Variants in SIRPB1 observed in about 807,000 individuals in gnomAD.
SIRPB1 encodes the protein signal-regulatory protein beta-1.
SIRPB1 carries 28 observed loss-of-function variants against 34.1 expected under a neutral mutation model. The observed-to-expected ratio is 0.82, with a 90% CI of 0.61 to 1.12. SIRPB1 has a LOEUF of 1.12. SIRPB1 is among the 50% of genes most tolerant of loss of function. SIRPB1 has a pLI of 0.00. For synonymous variants in SIRPB1, 211 were observed against 203.8 expected, an observed-to-expected ratio of 1.04 and a Z score of -0.30; for missense variants, 499 against 507.0, an observed-to-expected ratio of 0.98 and a Z score of 0.15.
rs541639858 is a variant in SIRPB1, at chr20:1,571,973, G to T, written c.498C>A (p.Ser166Arg). The change falls in exon 3 of 6, where the codon AGC (serine) becomes AGA (arginine). Residue 166 changes from serine to arginine, a missense_variant. By Grantham distance (110) the Ser-to-Arg change is moderately radical (BLOSUM62 -1). Transcript: ENST00000381605. ...AVRATPEHTV[S>R]FTCESHGFSP... ...AGAAGCCATGGGACTCGCAGGTGAA[G>T]CTCACTGTGTGCTCAGGTGTGGCCC... 3.1e-6 allele frequency: 5 copies of T among 1,614,162 alleles called. No homozygotes were observed. In the South Asian group the frequency reaches 4.4e-5, roughly 14 times the overall value.
At chr20:1,614,287 A>G (rs1352196282) in intron 1 of SIRPB1, among the ~76,000 whole-genome samples, 1 of 152,218 alleles carries the variant, frequency 6.6e-6, no homozygotes, top group East Asian at 1.9e-4. Flanking sequence ...GCTACATGGC[A>G]ACTCAAAGTT....
Position 1,571,110 on chromosome 20 carries a change from T to C in SIRPB1, c.779A>G (p.Gln260Arg). 6.2e-7 allele frequency: 1 copy of C among 1,613,946 alleles called. No individual in the cohort carries two copies. The highest frequency in any genetic ancestry group is 2.2e-5 in the East Asian group (1 of 44,888). ...RVPPTLEVTQQPMRAENQANV... is the reference protein window; with the variant it reads ...RVPPTLEVTQRPMRAENQANV... ...TGCCTGGTTCTCTGCCCTCATGGGC[T>C]GTTGAGTAACCTCCAAGGTGGGTGG... Residue 260 changes from glutamine (Q) to arginine (R), a missense_variant, in exon 4 of 6, where the codon CAG (glutamine) becomes CGG (arginine). By Grantham distance (43) the Gln-to-Arg change is conservative. Coordinates refer to ENST00000381605, the MANE Select transcript of SIRPB1 (RefSeq NM_006065.5).
chr20:1,570,940 C>T lies in SIRPB1; in HGVS notation c.949G>A (p.Val317Met). Residue 317 changes from valine to methionine, a missense_variant, in exon 4 of 6, where the codon GTG becomes ATG. Coordinates refer to ENST00000381605, the MANE Select transcript of SIRPB1 (RefSeq NM_006065.5). Reference sequence around the variant, plus strand: ...TCGTCCCTGTGGGCACAGGTGTTCACCAGGAGCCAGCTCATCCAGTTGTAG... The same window carrying T: ...TCGTCCCTGTGGGCACAGGTGTTCATCAGGAGCCAGCTCATCCAGTTGTAG... ...GTYNWMSWLL[V>M]NTCAHRDDVV... 1 of 1,614,160 alleles carries T rather than the reference C, an allele frequency of 6.2e-7. No individual in the cohort carries two copies. Among genetic ancestry groups the T allele is most frequent in the Non-Finnish European group, 8.5e-7 (1 of 1,180,022 alleles).
At chr20:1,617,159 T>C (rs1349539759) in intron 1 of SIRPB1, among the ~76,000 whole-genome samples, 1 of 152,170 alleles carries the variant, frequency 6.6e-6, no homozygotes, top group Non-Finnish European at 1.5e-5. Context: ...AAAATAGAAC[T>C]ATCATATGAT....
chr20:1,570,703 T>C, intron 4 of SIRPB1, 102 bp downstream of exon 4: 1 of 1,003,098 alleles, frequency 1.0e-6, no homozygotes, highest in South Asian at 1.6e-5. Flanking sequence ...GTTAAAATTC[T>C]ACTTTATATT....
Position 1,595,105 on chromosome 20 carries a change from G to T in SIRPB1, c.77-16411C>A, listed in dbSNP as rs1453084674. The stretch of plus-strand genomic sequence containing the variant: ...GGTCATGGTGCAGCCATGGCCTCTG[G>T]GGAGAATCACTATGACTAGGGCAAG... On this transcript the variant is annotated intron_variant, in intron 1 of 5. Coordinates refer to ENST00000381605, the MANE Select transcript of SIRPB1 (RefSeq NM_006065.5). 6.3e-5 allele frequency among the ~76,000 whole-genome samples: 3 copies of T among 47,826 alleles called. 1 individual carries two copies. Among genetic ancestry groups the T allele is most frequent in the Non-Finnish European group, 1.2e-4 (3 of 25,012 alleles). 31.4% of individuals were successfully genotyped at this position (47,826 alleles called of 152,430 possible). A position where few individuals can be genotyped will look rare whatever the true frequency, so the allele number is the denominator to read the frequency against.
At chr20:1,569,581 A>C (rs1445500668) in intron 4 of SIRPB1, among the ~76,000 whole-genome samples, 4 of 152,234 alleles carry the variant, frequency 2.6e-5, no homozygotes, top group African/African-American at 9.6e-5. Context: ...GCAGGCAGGG[A>C]CATGAACAAA....
At chr20:1,576,119 C>G (rs2091305390) in intron 2 of SIRPB1, among the ~76,000 whole-genome samples, 1 of 145,564 alleles carries the variant, frequency 6.9e-6, no homozygotes, top group African/African-American at 2.5e-5. Flanking sequence ...GAGTACTTCA[C>G]TAGGAGTGAG....
intron 1 of SIRPB1, among the ~76,000 whole-genome samples, chr20:1,609,231 G>C (rs76337962): frequency 0.025 from 1,765 of 71,970 alleles, 699 homozygotes; most frequent in Non-Finnish European, 0.036. Flanking sequence ...GGGCATTTCA[G>C]TGTCTTTGCC....
At chr20:1,616,403 C>T (rs560027018) in intron 1 of SIRPB1, among the ~76,000 whole-genome samples, 36 of 152,270 alleles carry the variant, frequency 2.4e-4, no homozygotes, top group South Asian at 1.7e-3. Context: ...CAGATATAAA[C>T]GCACACATTT....
At position 1,582,223 on chromosome 20, in the gene SIRPB1, C is replaced by T. The variant is rs904653962; in HGVS notation, c.77-3529G>A. ...ATGATGGCTATATATTTCCTCAGGGCCTTGATGCAAAAATAATGCTCTTTA... is the reference window on the plus strand; with the variant it reads ...ATGATGGCTATATATTTCCTCAGGGTCTTGATGCAAAAATAATGCTCTTTA... On this transcript the variant is annotated intron_variant, in intron 1 of 5. Coordinates refer to ENST00000381605, the MANE Select transcript of SIRPB1 (RefSeq NM_006065.5). Among the ~76,000 whole-genome samples, 3 of 48,796 alleles carry T rather than the reference C, an allele frequency of 6.1e-5. 1 individual carries two copies. The highest frequency in any genetic ancestry group is 1.2e-4 in the Non-Finnish European group (3 of 25,372). 32.0% of individuals were successfully genotyped at this position (48,796 alleles called of 152,430 possible).
At position 1,572,123 on chromosome 20, in the gene SIRPB1, A is replaced by G. The variant is rs145382629; in HGVS notation, c.434-86T>C. 36 of 1,590,086 alleles carry G rather than the reference A, an allele frequency of 2.3e-5. No homozygotes were observed. In the East Asian group the frequency reaches 7.2e-4, roughly 32 times the overall value. On this transcript the variant is annotated intron_variant, in intron 2 of 5. Transcript: ENST00000381605. ...CGTTTGACATGTTAAGAACCTTCTGAGACGTTAGTTTTTAATCTTTCTAAT... is the reference window on the plus strand; with the variant it reads ...CGTTTGACATGTTAAGAACCTTCTGGGACGTTAGTTTTTAATCTTTCTAAT...
chr20:1,583,275 G>T lies in SIRPB1; in HGVS notation c.77-4581C>A, dbSNP rs1165461586. On this transcript the variant is annotated intron_variant, in intron 1 of 5. Coordinates refer to ENST00000381605, the MANE Select transcript of SIRPB1 (RefSeq NM_006065.5). ...AACCTGTGATCTCTAGAGTCAAAGTGCCTGAGTTCAAATCGTAGCTCTACC... is the reference window on the plus strand; with the variant it reads ...AACCTGTGATCTCTAGAGTCAAAGTTCCTGAGTTCAAATCGTAGCTCTACC... Among the ~76,000 whole-genome samples the T allele has an allele frequency of 8.2e-5, 4 of 49,018 alleles. 2 individuals are homozygous for T. The highest frequency in any genetic ancestry group is 2.7e-4 in the Admixed American group (2 of 7,330). 32.2% of individuals were successfully genotyped at this position (49,018 alleles called of 152,430 possible).
chr20:1,576,948 A>G (rs1287944570), intron 2 of SIRPB1, among the ~76,000 whole-genome samples: 2 of 148,592 alleles, frequency 1.3e-5, no homozygotes, highest in Admixed American at 6.7e-5. Context: ...TAGTAGCTCA[A>G]TGTTGGGAAT....
rs551751152 is a variant in SIRPB1, at chr20:1,561,666, G to A, written c.*3834C>T. 3.9e-5 allele frequency among the ~76,000 whole-genome samples: 6 copies of A among 152,102 alleles called. No individual in the cohort carries two copies. Among genetic ancestry groups the A allele is most frequent in the Non-Finnish European group, 7.4e-5 (5 of 68,014 alleles). ...TGAGTTTTGGGGGGAAGGTAATAGA[G>A]GAAAAGTGTCATCTTCATCACATCA... is the stretch of plus-strand genomic sequence containing the variant. On this transcript the variant is annotated 3_prime_UTR_variant, in exon 6 of 6. Transcript: ENST00000381605.
rs765223950 is a variant in SIRPB1, at chr20:1,578,330, G to A, written c.433+8C>T. 2 of 1,582,432 alleles carry A rather than the reference G, an allele frequency of 1.3e-6. No homozygotes were observed. Among genetic ancestry groups the A allele is most frequent in the Admixed American group, 3.4e-5 (2 of 59,340 alleles). ...CCAGGGGACAAAGGAGGCCCACGCTGTACTCACCGCGCACAGACAGCTCAG... is the reference window on the plus strand; with the variant it reads ...CCAGGGGACAAAGGAGGCCCACGCTATACTCACCGCGCACAGACAGCTCAG... On this transcript the variant is annotated splice_region_variant and intron_variant, in intron 2 of 5. Transcript: ENST00000381605.
rs1355369393 is a variant in SIRPB1, at chr20:1,579,915, A to T, written c.77-1221T>A. On this transcript the variant is annotated intron_variant, in intron 1 of 5. Transcript: ENST00000381605. ...TAAGTCTGAGGAAGAAGTCCAGAGA[A>T]TGAATGTGCAATCTGAGGATTTTAG... Among the ~76,000 whole-genome samples the T allele has an allele frequency of 3.4e-5, 5 of 148,168 alleles. 1 individual carries two copies. Among genetic ancestry groups the T allele is most frequent in the African/African-American group, 1.2e-4 (5 of 40,832 alleles).
At chr20:1,577,902 C>T (rs1568689890) in intron 2 of SIRPB1, among the ~76,000 whole-genome samples, 2 of 147,842 alleles carry the variant, frequency 1.4e-5, no homozygotes, top group East Asian at 1.9e-4. Context: ...GCGCAGCATC[C>T]AGGGCAGAGC....
chr20:1,562,424 C>G lies in SIRPB1; in HGVS notation c.*3076G>C, dbSNP rs1045284856. On this transcript the variant is annotated 3_prime_UTR_variant, in exon 6 of 6. Transcript: ENST00000381605. ...GACACAGTTCTGGCAACTGAGGATACAGATAATCCTCCCCCACCCCCAACC... is the reference window on the plus strand; with the variant it reads ...GACACAGTTCTGGCAACTGAGGATAGAGATAATCCTCCCCCACCCCCAACC... Among the ~76,000 whole-genome samples the G allele has an allele frequency of 6.6e-6, 1 of 152,198 alleles. No homozygotes were observed. Among genetic ancestry groups the G allele is most frequent in the Middle Eastern group, 3.4e-3 (1 of 294 alleles).
Sources: allele counts gnomAD v4.1 joint callset (sites outside exome capture counted in the v4.1 genomes callset), GRCh38; gene constraint gnomAD v4.1.1; transcripts MANE v1.5; gene names NCBI Gene and HGNC (gene_info 2026-07-23, HGNC 2026-07-21).